Variants in PAPPA2 observed in about 807,000 individuals in gnomAD.
PAPPA2 encodes the protein pappalysin 2.
Under a neutral mutation model 176.4 loss-of-function variants are expected in PAPPA2, and 86 were observed. The ratio of observed to expected loss-of-function variants is 0.49; its 90% confidence interval spans 0.41 to 0.58. PAPPA2 has a LOEUF of 0.58. PAPPA2 is among the 20% of genes least tolerant of loss of function. The probability of loss-of-function intolerance (pLI) is 0.00; values close to 1 mark genes in which losing one functional copy is unlikely to be tolerated. For missense variants in PAPPA2, 2,073 were observed against 2,256.9 expected (o/e 0.92, Z 1.65); for synonymous variants, 809 against 852.2 (o/e 0.95, Z 0.88).
At chr1:176,577,383 A>G (rs1462102291) in intron 2 of PAPPA2, among the ~76,000 whole-genome samples, 1 of 152,178 alleles carries the variant, frequency 6.6e-6, no homozygotes, top group African/African-American at 2.4e-5. Flanking sequence ...TTGCACATGA[A>G]AGCATGACTA....
intron 21 of PAPPA2, among the ~76,000 whole-genome samples, chr1:176,823,948 A>G (rs1666762659): frequency 6.6e-6 from 1 of 152,224 alleles, no homozygotes; most frequent in Admixed American, 6.5e-5. Context: ...CTAATGTAAC[A>G]GCCCCCTCAC....
intron 1 of PAPPA2, among the ~76,000 whole-genome samples, chr1:176,510,920 A>T (rs1008936663): frequency 6.6e-6 from 1 of 151,932 alleles, no homozygotes; most frequent in African/African-American, 2.4e-5. Context: ...AAAACATTTA[A>T]TTTAATCCAA....
rs746497012 is a variant in PAPPA2 at position 176,660,332 on chromosome 1, TTGTTTGTGTGTGTGTGTG to T, written c.1992-10634_1992-10617del. Among the ~76,000 whole-genome samples, 331 of 82,902 alleles carry T rather than the reference TTGTTTGTGTGTGTGTGTG, an allele frequency of 4.0e-3. 4 individuals are homozygous for T. The highest frequency in any genetic ancestry group is 4.5e-3 in the Non-Finnish European group (175 of 38,494). 54.4% of individuals were successfully genotyped at this position (82,902 alleles called of 152,430 possible). ...TCTAATGCTGTATTTTAGTAATTGTTTGTTTGTGTGTGTGTGTGTGTGTGTGTGTGCTTAAGTGTAGAT... is the reference window on the plus strand; with the variant it reads ...TCTAATGCTGTATTTTAGTAATTGTTTGTGTGTGTGTGCTTAAGTGTAGAT... On this transcript the variant is annotated intron_variant, in intron 3 of 22. Transcript: ENST00000367662.
At chr1:176,667,091 C>T (rs2102767615) in intron 3 of PAPPA2, among the ~76,000 whole-genome samples, 1 of 151,806 alleles carries the variant, frequency 6.6e-6, no homozygotes, top group Non-Finnish European at 1.5e-5. Context: ...ACTAAAAATA[C>T]AAAATTAGCT....
intron 1 of PAPPA2, among the ~76,000 whole-genome samples, chr1:176,475,131 C>T (rs943465871): frequency 2.0e-5 from 3 of 152,108 alleles, no homozygotes; most frequent in Non-Finnish European, 4.4e-5. Context: ...ACAGCAAGCA[C>T]AGTACACAAA....
At chr1:176,513,348 TTTTTTCTTTCA>T (rs1205359629) in intron 1 of PAPPA2, among the ~76,000 whole-genome samples, 11 of 152,136 alleles carry the variant, frequency 7.2e-5, no homozygotes, top group Non-Finnish European at 5.9e-5. Flanking sequence ...TTTTTCTTTA[TTTTTTCTTTCA>T]TTTTTCTTTT....
intron 1 of PAPPA2, among the ~76,000 whole-genome samples, chr1:176,500,345 A>G (rs1213507236): frequency 6.6e-6 from 1 of 151,846 alleles, no homozygotes; most frequent in Non-Finnish European, 1.5e-5. Context: ...AAAAGGAAAA[A>G]GTGACTTTAG....
At chr1:176,466,907 T>C (rs938788181) in intron 1 of PAPPA2, among the ~76,000 whole-genome samples, 2 of 152,210 alleles carry the variant, frequency 1.3e-5, no homozygotes, top group Non-Finnish European at 2.9e-5. Context: ...GGCTCACCTG[T>C]TTTGCATAGA....
intron 21 of PAPPA2, among the ~76,000 whole-genome samples, chr1:176,832,589 G>A (rs765857749): frequency 2.9e-4 from 44 of 152,234 alleles, no homozygotes; most frequent in Middle Eastern, 3.4e-3. Context: ...CTGGCCTCAG[G>A]TGATCCACCC....
At chr1:176,794,201 G>A (rs928528682) in intron 20 of PAPPA2, among the ~76,000 whole-genome samples, 9 of 152,130 alleles carry the variant, frequency 5.9e-5, no homozygotes, top group African/African-American at 9.7e-5. Context: ...GTAGTCTGGC[G>A]TTTTGATGAA....
rs187700188 is a variant in PAPPA2 at position 176,830,962 on chromosome 1, G to T, written c.5203-9211G>T. ...CATGAAAACAGTTTTTGACAGCAAAGGATTGGGAATCACTGGAATAAAATC... is the reference window on the plus strand; with the variant it reads ...CATGAAAACAGTTTTTGACAGCAAATGATTGGGAATCACTGGAATAAAATC... On this transcript the variant is annotated intron_variant, in intron 21 of 22. Coordinates refer to ENST00000367662, the MANE Select transcript of PAPPA2 (RefSeq NM_020318.3). 3.7e-4 allele frequency among the ~76,000 whole-genome samples: 57 copies of T among 152,296 alleles called. 1 individual carries two copies. The highest frequency in any genetic ancestry group is 6.8e-3 in the Middle Eastern group (2 of 294).
chr1:176,498,751 C>CACAAAAAAAAAAAAAAAAAAAAAAA lies in PAPPA2; in HGVS notation c.-917+35334_-917+35335insCAAAAAAAAAAAAAAAAAAAAAAAA, dbSNP rs762510082. Among the ~76,000 whole-genome samples, 78 of 112,082 alleles carry CACAAAAAAAAAAAAAAAAAAAAAAA rather than the reference C, an allele frequency of 7.0e-4. 2 individuals carry two copies. Among genetic ancestry groups the CACAAAAAAAAAAAAAAAAAAAAAAA allele is most frequent in the South Asian group, 1.8e-3 (6 of 3,346 alleles). 73.5% of individuals were successfully genotyped at this position (112,082 alleles called of 152,430 possible). On this transcript the variant is annotated intron_variant, in intron 1 of 22. Transcript: ENST00000367662. Reference sequence around the variant, plus strand: ...GGCGACAGAGCGAGACTCTTACCTCCAAAAAAAAAAAAAAAGAAGAAGAAA... The same window carrying CACAAAAAAAAAAAAAAAAAAAAAAA: ...GGCGACAGAGCGAGACTCTTACCTCCACAAAAAAAAAAAAAAAAAAAAAAAAAAAAAAAAAAAAAAGAAGAAGAAA...
At chr1:176,741,814 T>C (rs1214484231) in intron 14 of PAPPA2, among the ~76,000 whole-genome samples, 2 of 152,214 alleles carry the variant, frequency 1.3e-5, no homozygotes, top group African/African-American at 4.8e-5. Context: ...CACAAGAATG[T>C]AGACTATTAA....
intron 20 of PAPPA2, among the ~76,000 whole-genome samples, chr1:176,794,946 T>C (rs1360207696): frequency 6.6e-6 from 1 of 152,198 alleles, no homozygotes; most frequent in Non-Finnish European, 1.5e-5. Context: ...GACCAATCTA[T>C]GTCTGCCAGC....
intron 21 of PAPPA2, among the ~76,000 whole-genome samples, chr1:176,813,710 C>A (rs1364548286): frequency 6.6e-6 from 1 of 152,122 alleles, no homozygotes; most frequent in Non-Finnish European, 1.5e-5. Flanking sequence ...GGATAGATTG[C>A]AAAAATTTTA....
intron 4 of PAPPA2, among the ~76,000 whole-genome samples, chr1:176,675,555 A>T (rs1259856688): frequency 6.6e-6 from 1 of 152,102 alleles, no homozygotes; most frequent in African/African-American, 2.4e-5. Context: ...GAATTTAAGA[A>T]CTAGACCATT....
intron 14 of PAPPA2, among the ~76,000 whole-genome samples, chr1:176,757,177 G>A (rs1663470391): frequency 6.6e-6 from 1 of 152,190 alleles, no homozygotes; most frequent in African/African-American, 2.4e-5. Flanking sequence ...ACGTGTGCAC[G>A]TGTCTTTATA....
intron 21 of PAPPA2, among the ~76,000 whole-genome samples, chr1:176,833,327 C>T (rs572501065): frequency 5.2e-4 from 79 of 152,192 alleles, no homozygotes; most frequent in Non-Finnish European, 8.7e-4. Flanking sequence ...AAGCTACCTG[C>T]GGAGCATCAT....
chr1:176,746,809 T>C (rs1035360056), intron 14 of PAPPA2, among the ~76,000 whole-genome samples: 17 of 152,196 alleles, frequency 1.1e-4, no homozygotes, highest in Non-Finnish European at 1.6e-4. Context: ...TTGAATAAGA[T>C]ATTAATCTTT....
Sources: allele counts gnomAD v4.1 joint callset (sites outside exome capture counted in the v4.1 genomes callset), GRCh38; gene constraint gnomAD v4.1.1; transcripts MANE v1.5; gene names NCBI Gene and HGNC (gene_info 2026-07-23, HGNC 2026-07-21).